The following RNF115 variants were observed in gnomAD, a reference collection of about 807,000 sequenced individuals.
RNF115 encodes the protein ring finger protein 115, also known as E3 ubiquitin-protein ligase RNF115.
A neutral mutation model predicts 39.2 loss-of-function variants in RNF115; 31 were observed. The observed-to-expected ratio is 0.79, with a 90% confidence interval of 0.59 to 1.07. The LOEUF is 1.07. RNF115 is among the 50% of genes least tolerant of loss of function. The pLI is 0.00. For missense variants in RNF115, 384 were observed against 381.7 expected, an observed-to-expected ratio of 1.01 and a Z score of -0.05; for synonymous variants, 124 against 131.0, an observed-to-expected ratio of 0.95 and a Z score of 0.37.
At chr1:145,782,689 C>T (rs1378237215) in intron 3 of RNF115, among the ~76,000 whole-genome samples, 1 of 152,136 alleles carries the variant, frequency 6.6e-6, no homozygotes, top group African/African-American at 2.4e-5. Flanking sequence ...ATTGGCAGAC[C>T]GATCTATTTC....
At chr1:145,767,771 G>A (rs982342490) in intron 4 of RNF115, among the ~76,000 whole-genome samples, 1 of 152,270 alleles carries the variant, frequency 6.6e-6, no homozygotes, top group Non-Finnish European at 1.5e-5. Flanking sequence ...AGCAGCTGGA[G>A]ACCAGCCCGG....
chr1:145,787,213 G>T, intron 2 of RNF115: 1 of 400,058 alleles, frequency 2.5e-6, no homozygotes, highest in South Asian at 1.9e-5. Context: ...AGCCCCAAAA[G>T]AACAAATGTG....
intron 5 of RNF115, among the ~76,000 whole-genome samples, 161 bp downstream of exon 5, chr1:145,752,817 G>C (rs375773505): frequency 1.3e-5 from 2 of 152,042 alleles, no homozygotes; most frequent in South Asian, 4.2e-4. Flanking sequence ...TCGATCTCCT[G>C]ACCTCGTGAT....
chr1:145,788,819 G>T, intron 2 of RNF115, 89 bp downstream of exon 2: 1 of 958,340 alleles, frequency 1.0e-6, no homozygotes, highest in Non-Finnish European at 1.7e-6. Context: ...AGTGTAAGTT[G>T]TAAAACAAAT....
chr1:145,757,324 G>GTA (rs1658339774), intron 4 of RNF115, among the ~76,000 whole-genome samples: 1 of 152,116 alleles, frequency 6.6e-6, no homozygotes, highest in Non-Finnish European at 1.5e-5. Context: ...ATTACAAGTG[G>GTA]TATCTCTCAG....
chr1:145,749,558 T>C (rs1302008591), intron 7 of RNF115, among the ~76,000 whole-genome samples: 1 of 152,230 alleles, frequency 6.6e-6, no homozygotes. Context: ...TCTTTGACTC[T>C]TTCCCCTTCT....
intron 1 of RNF115, among the ~76,000 whole-genome samples, chr1:145,796,648 A>G (rs1372988043): frequency 3.3e-5 from 5 of 152,070 alleles, no homozygotes; most frequent in Non-Finnish European, 1.5e-5. Flanking sequence ...CAGCCTCCCA[A>G]AATACTAGGA....
At chr1:145,766,634 C>G (rs587759375) in intron 4 of RNF115, among the ~76,000 whole-genome samples, 1 of 149,194 alleles carries the variant, frequency 6.7e-6, no homozygotes, top group African/African-American at 2.5e-5. Context: ...CTGACCCCCC[C>G]ACCTCCCTCC....
intron 1 of RNF115, among the ~76,000 whole-genome samples, chr1:145,795,641 C>G (rs1553719876): frequency 6.6e-6 from 1 of 152,126 alleles, no homozygotes; most frequent in Non-Finnish European, 1.5e-5. Flanking sequence ...TTCTAGGAAC[C>G]AGGCTGTCAA....
intron 3 of RNF115, among the ~76,000 whole-genome samples, chr1:145,783,055 G>T (rs1157217627): frequency 6.6e-6 from 1 of 152,086 alleles, no homozygotes; most frequent in East Asian, 1.9e-4. Context: ...TAGAGATGGG[G>T]TTTCACCATG....
At chr1:145,758,364 G>A (rs587607563) in intron 4 of RNF115, among the ~76,000 whole-genome samples, 1 of 152,272 alleles carries the variant, frequency 6.6e-6, no homozygotes, top group African/African-American at 2.4e-5. Flanking sequence ...CTTGGAAGTG[G>A]ATGTTCCAGG....
At position 145,756,024 on chromosome 1, in the gene RNF115, A is replaced by G. The variant is rs142205611; in HGVS notation, c.429-2975T>C. Among the ~76,000 whole-genome samples the G allele has an allele frequency of 3.2e-4, 48 of 152,342 alleles. No homozygotes were observed. The East Asian group carries it at 7.5e-3, about 24-fold the overall frequency. On this transcript the variant is annotated intron_variant, in intron 4 of 8. Transcript: ENST00000582693. ...AGTTAAACAAAAAGGACAGAATTAT[A>G]TAATTCTGAGAATTCCCAGCATCTC... is the stretch of plus-strand genomic sequence containing the variant.
chr1:145,786,113 C>T (rs1648368928), intron 2 of RNF115, among the ~76,000 whole-genome samples: 1 of 152,202 alleles, frequency 6.6e-6, no homozygotes, highest in Non-Finnish European at 1.5e-5. Context: ...AGCTACCTCA[C>T]CGTTCCCTTT....
intron 2 of RNF115, chr1:145,787,025 G>A (rs1381775320): frequency 3.0e-5 from 38 of 1,269,898 alleles, no homozygotes; most frequent in Non-Finnish European, 3.7e-5. Flanking sequence ...AAAATGTGTA[G>A]TTTTTCCTGG....
chr1:145,790,911 G>C (rs1273282614), intron 1 of RNF115, among the ~76,000 whole-genome samples: 1 of 151,824 alleles, frequency 6.6e-6, no homozygotes, highest in Non-Finnish European at 1.5e-5. Context: ...GGAGGCTAAG[G>C]TGGGCAGATC....
intron 1 of RNF115, among the ~76,000 whole-genome samples, chr1:145,795,071 T>TCAGA (rs1430741072): frequency 6.6e-6 from 1 of 151,504 alleles, no homozygotes; most frequent in Non-Finnish European, 1.5e-5. Flanking sequence ...CTTCAGATGT[T>TCAGA]CAGATGTGTC....
At chr1:145,795,246 C>T (rs1206776458) in intron 1 of RNF115, among the ~76,000 whole-genome samples, 1 of 151,940 alleles carries the variant, frequency 6.6e-6, no homozygotes, top group Non-Finnish European at 1.5e-5. Context: ...AGCCACAGAC[C>T]CTCCAGGTGA....
intron 1 of RNF115, among the ~76,000 whole-genome samples, chr1:145,793,944 A>G (rs1648807388): frequency 6.6e-6 from 1 of 151,760 alleles, no homozygotes; most frequent in Non-Finnish European, 1.5e-5. Flanking sequence ...CCTGGGTTCA[A>G]GCAATTCTCC....
chr1:145,746,951 G>T lies in RNF115; in HGVS notation c.830C>A (p.Ser277Tyr), dbSNP rs782537412. 1 of 1,614,070 alleles carries T rather than the reference G, an allele frequency of 6.2e-7. No homozygotes were observed. The highest frequency in any genetic ancestry group is 8.5e-7 in the Non-Finnish European group (1 of 1,179,948). The stretch of plus-strand genomic sequence containing the variant: ...CTCAGTGCTCTGGCTTTGCCGAGTA[G>T]AGTCCTCACCATTTAAGCTCTTCCT... The part of the protein sequence containing the change: ...VCRKSLNGED[S>Y]TRQSQSTEAS... The change falls in exon 9 of 9, where the codon TCT becomes TAT. Residue 277 changes from serine (S) to tyrosine (Y), a missense_variant. By Grantham distance (144) the Ser-to-Tyr change is moderately radical (BLOSUM62 -2). Transcript: ENST00000582693.
Sources: gnomAD v4.1 joint callset for allele counts (sites outside exome capture counted in the v4.1 genomes callset) on GRCh38, gnomAD v4.1.1 for gene constraint, MANE v1.5 for transcripts, NCBI Gene and HGNC (gene_info 2026-07-23, HGNC 2026-07-21) for gene names.